The following STAT5B variants were observed in gnomAD, a reference collection of about 807,000 sequenced individuals.
STAT5B encodes the protein transcription factor STAT5B.
In STAT5B, 21 loss-of-function variants were observed where a neutral mutation model predicts 107.8. That is an observed-to-expected ratio of 0.19 (90% confidence interval 0.14 to 0.28). STAT5B has a LOEUF of 0.28. STAT5B is among the 10% of genes least tolerant of loss of function. STAT5B has a pLI of 1.00. For synonymous variants in STAT5B, 325 were observed against 401.7 expected, an observed-to-expected ratio of 0.81 and a Z score of 2.28; for missense variants, 565 against 1,008.2, an observed-to-expected ratio of 0.56 and a Z score of 5.95.
At chr17:42,213,176 C>T (rs546579367) in intron 12 of STAT5B, among the ~76,000 whole-genome samples, 1 of 152,254 alleles carries the variant, frequency 6.6e-6, no homozygotes, top group African/African-American at 2.4e-5. Flanking sequence ...CCACAGGACA[C>T]ATAGGCAAAT....
chr17:42,209,747 G>C (rs192979183), intron 15 of STAT5B, among the ~76,000 whole-genome samples: 30 of 152,272 alleles, frequency 2.0e-4, no homozygotes, highest in African/African-American at 5.3e-4. Flanking sequence ...AGAAATGGTT[G>C]ATGGCAATAT....
At chr17:42,235,555 GC>G (rs2080349955) in intron 1 of STAT5B, 1 of 151,234 alleles carries the variant, frequency 6.6e-6, no homozygotes, top group South Asian at 2.1e-4. Context: ...TCAGCTCGCT[GC>G]AGGCTTTGCC....
chr17:42,243,248 C>T (rs1239675428), intron 1 of STAT5B, among the ~76,000 whole-genome samples: 2 of 151,924 alleles, frequency 1.3e-5, no homozygotes, highest in Non-Finnish European at 1.5e-5. Flanking sequence ...TGCAGCTACT[C>T]TGAAGGCTGA....
At chr17:42,266,767 A>C (rs1281495194) in intron 1 of STAT5B, among the ~76,000 whole-genome samples, 1 of 152,114 alleles carries the variant, frequency 6.6e-6, no homozygotes, top group Admixed American at 6.6e-5. Flanking sequence ...TTGCCTCATC[A>C]CCAACTCAGC....
At chr17:42,282,005 C>G in the STAT5B span, among the ~76,000 whole-genome samples, 1 of 152,122 alleles carries the variant, frequency 6.6e-6, no homozygotes, top group Non-Finnish European at 1.5e-5. Flanking sequence ...AAAAGCAGCT[C>G]AGTGGGACCA....
intron 1 of STAT5B, among the ~76,000 whole-genome samples, chr17:42,252,189 T>C (rs2080506174): frequency 6.6e-6 from 1 of 151,998 alleles, no homozygotes; most frequent in African/African-American, 2.4e-5. Flanking sequence ...CAAGGGGAAA[T>C]TTGGGACAAG....
chr17:42,229,667 T>TA (rs1276825244), intron 2 of STAT5B, among the ~76,000 whole-genome samples: 1 of 151,386 alleles, frequency 6.6e-6, no homozygotes, highest in African/African-American at 2.4e-5. Flanking sequence ...GGTCAGGAGT[T>TA]AGAGACCAGC....
intron 1 of STAT5B, chr17:42,234,875 T>C (rs575450663): frequency 8.5e-5 from 13 of 152,214 alleles, no homozygotes; most frequent in Admixed American, 7.9e-4. Flanking sequence ...AAAAAAATTA[T>C]ATAAGGGATG....
At chr17:42,255,996 G>A (rs1394407657) in intron 1 of STAT5B, among the ~76,000 whole-genome samples, 6 of 152,132 alleles carry the variant, frequency 3.9e-5, no homozygotes, top group Admixed American at 3.9e-4. Context: ...GCTGAGGCAG[G>A]AGAATTGCTT....
chr17:42,206,208 G>T (rs1306998582), intron 16 of STAT5B, among the ~76,000 whole-genome samples: 4 of 152,030 alleles, frequency 2.6e-5, no homozygotes, highest in African/African-American at 9.7e-5. Context: ...TCCTGCCTCA[G>T]TCTCCCAAGT....
At chr17:42,248,511 G>A (rs902649973) in intron 1 of STAT5B, among the ~76,000 whole-genome samples, 2 of 152,108 alleles carry the variant, frequency 1.3e-5, no homozygotes, top group Admixed American at 1.3e-4. Flanking sequence ...TAAATAAAAT[G>A]CAATTACTTT....
At chr17:42,202,661 G>A (rs1328693015) in intron 17 of STAT5B, 96 bp downstream of exon 17, 2 of 1,599,098 alleles carry the variant, frequency 1.3e-6, no homozygotes, top group Non-Finnish European at 1.7e-6. Flanking sequence ...AGTTTCCCCG[G>A]GGGAGCGGAA....
intron 3 of STAT5B, 106 bp downstream of exon 3, chr17:42,227,423 C>G: frequency 5.5e-6 from 8 of 1,466,674 alleles, no homozygotes; most frequent in Non-Finnish European, 7.4e-6. Context: ...GAACCTTATG[C>G]ACGTGTAACT....
rs1167075556 is a variant in STAT5B, at chr17:42,202,389, G to A, written c.2188C>T (p.Pro730Ser). Residue 730 changes from proline to serine, a missense_variant, in exon 18 of 19, where the codon CCC (proline) becomes TCC (serine). Around this residue, in one of 11 missense-constraint regions of STAT5B, gnomAD observed 76 missense variants for 110.2 expected, o/e 0.69. Coordinates refer to ENST00000293328, the MANE Select transcript of STAT5B (RefSeq NM_012448.4). The part of the protein sequence containing the change: ...GGSATYMDQA[P>S]SPAVCPQAHY... ...GCCTGGGGACACACAGCTGGGGAGG[G>A]GGCCTGGTCCATGTACGTGGCGCTG... The A allele has an allele frequency of 1.2e-5, 19 of 1,614,126 alleles. No individual in the cohort carries two copies. The highest frequency in any genetic ancestry group is 8.8e-5 in the South Asian group (8 of 91,096).
At chr17:42,276,537 C>G (rs1449994456), upstream of STAT5B, 1 of 151,488 alleles carries the variant, frequency 6.6e-6, no homozygotes, top group Non-Finnish European at 1.5e-5. The surrounding 1 kb of genome is among the most constrained non-coding windows in gnomAD (Gnocchi z 4.8). Flanking sequence ...CCTCGCGCCC[C>G]CTCCGCGACC....
chr17:42,285,156 C>T, the STAT5B span, among the ~76,000 whole-genome samples: 3 of 150,280 alleles, frequency 2.0e-5, no homozygotes, highest in Non-Finnish European at 4.4e-5. Flanking sequence ...GTGGTATGAT[C>T]TCGGCTCACT....
At chr17:42,282,467 G>T in the STAT5B span, among the ~76,000 whole-genome samples, 1 of 152,108 alleles carries the variant, frequency 6.6e-6, no homozygotes, top group Non-Finnish European at 1.5e-5. Flanking sequence ...GGGATTACAG[G>T]CATCTGCCAC....
chr17:42,214,378 A>G lies in STAT5B; in HGVS notation c.1473+1636T>C, dbSNP rs535549033. On this transcript the variant is annotated intron_variant, in intron 12 of 18. Transcript: ENST00000293328. ...AGGCAGACAGACAGTTTCAAAAAGG[A>G]GCTTCTGATTCAGAGTTTGTAAGTG... 2.2e-3 allele frequency: 2,142 copies of G among 985,282 alleles called. 5 individuals are homozygous for G. Among genetic ancestry groups the G allele is most frequent in the Non-Finnish European group, 2.5e-3 (2,059 of 829,920 alleles). The allele number at this position is 985,282 out of a possible 1,614,324, so 61.0% of individuals were successfully genotyped here.
chr17:42,202,157 C>A, intron 18 of STAT5B, 183 bp downstream of exon 18: 1 of 731,350 alleles, frequency 1.4e-6, no homozygotes, highest in Non-Finnish European at 2.3e-6. Context: ...CCCAACCCGA[C>A]TCTAAACCAC....
Sources: allele counts gnomAD v4.1 joint callset (sites outside exome capture counted in the v4.1 genomes callset), GRCh38; gene constraint gnomAD v4.1.1; regional missense constraint gnomAD v4.1.1; non-coding constraint Gnocchi (gnomAD v3.1); transcripts MANE v1.5; gene names NCBI Gene and HGNC (gene_info 2026-07-23, HGNC 2026-07-21).